EFCAB5: variants seen among roughly 807,000 people sequenced by gnomAD.
EFCAB5 encodes the protein EF-hand calcium binding domain 5.
A neutral mutation model predicts 167.9 loss-of-function variants in EFCAB5; 131 were observed. That is an observed-to-expected ratio of 0.78 (90% CI 0.68 to 0.90). EFCAB5 has a LOEUF of 0.90. Ranked by LOEUF, EFCAB5 falls within the 40% of genes least tolerant of loss-of-function variation. The probability of loss-of-function intolerance (pLI) is 0.00; values close to 1 mark genes in which losing one functional copy is unlikely to be tolerated. For missense variants in EFCAB5, 1,663 were observed against 1,745.2 expected (o/e 0.95, Z 0.84); for synonymous variants, 574 against 602.8 (o/e 0.95, Z 0.70).
chr17:29,944,058 A>G (rs888731979), intron 3 of EFCAB5, among the ~76,000 whole-genome samples: 3 of 152,174 alleles, frequency 2.0e-5, no homozygotes, highest in African/African-American at 4.8e-5. Context: ...TTTTAAAGAT[A>G]TAATTTCAGG....
At chr17:29,972,709 G>T in intron 4 of EFCAB5, 1 of 210,434 alleles carries the variant, frequency 4.8e-6, no homozygotes, top group African/African-American at 2.3e-5. Context: ...CAAGCTGGTA[G>T]GGATGAAGAT....
chr17:30,046,005 A>G lies in EFCAB5; in HGVS notation c.1201-5113A>G, dbSNP rs1438466482. On this transcript the variant is annotated intron_variant, in intron 8 of 22. Coordinates refer to ENST00000394835, the MANE Select transcript of EFCAB5 (RefSeq NM_198529.4). ...TACAGTGAGCTATGATCATGCCACTACATTCTAGCCTGGGCAACAGTGTGA... is the reference window on the plus strand; with the variant it reads ...TACAGTGAGCTATGATCATGCCACTGCATTCTAGCCTGGGCAACAGTGTGA... 3.9e-5 allele frequency among the ~76,000 whole-genome samples: 6 copies of G among 152,056 alleles called. No homozygotes were observed. The East Asian group carries it at 1.2e-3, about 29-fold the overall frequency.
chr17:30,055,710 C>T (rs115162382), intron 10 of EFCAB5, among the ~76,000 whole-genome samples, 178 bp from the exon 11 acceptor site: 186 of 152,266 alleles, frequency 1.2e-3, no homozygotes, highest in African/African-American at 4.3e-3. Context: ...GAGCTGCTTT[C>T]AACAATTCAA....
intron 14 of EFCAB5, among the ~76,000 whole-genome samples, chr17:30,068,199 G>T (rs1344574153): frequency 6.6e-6 from 1 of 152,076 alleles, no homozygotes; most frequent in South Asian, 2.1e-4. Context: ...CTACTCGGGA[G>T]GCTGAGGCAG....
intron 6 of EFCAB5, among the ~76,000 whole-genome samples, chr17:29,997,579 G>A (rs991946824): frequency 1.3e-5 from 2 of 151,982 alleles, no homozygotes; most frequent in Non-Finnish European, 2.9e-5. Context: ...TAAAGTTCCA[G>A]AATTAAACAA....
At chr17:29,992,643 G>A (rs1303127822) in intron 4 of EFCAB5, among the ~76,000 whole-genome samples, 1 of 152,302 alleles carries the variant, frequency 6.6e-6, no homozygotes, top group East Asian at 1.9e-4. Flanking sequence ...ACTGTGCCTG[G>A]CCCCTCCATT....
intron 8 of EFCAB5, among the ~76,000 whole-genome samples, chr17:30,040,484 C>G (rs938673067): frequency 7.9e-5 from 12 of 152,128 alleles, no homozygotes; most frequent in Admixed American, 7.2e-4. Flanking sequence ...AGATGGCTAC[C>G]CTTTTTACCC....
At chr17:29,955,497 T>C (rs1414972771) in intron 3 of EFCAB5, among the ~76,000 whole-genome samples, 2 of 152,182 alleles carry the variant, frequency 1.3e-5, no homozygotes, top group Non-Finnish European at 2.9e-5. Context: ...ACCATGATTG[T>C]GAGGCCTCCC....
At chr17:29,987,382 C>T (rs1434212879) in intron 4 of EFCAB5, among the ~76,000 whole-genome samples, 1 of 152,180 alleles carries the variant, frequency 6.6e-6, no homozygotes, top group Non-Finnish European at 1.5e-5. Flanking sequence ...CCCAAATTGG[C>T]TGTTGATTCA....
At chr17:29,939,584 T>A (rs371601806), upstream of EFCAB5, among the ~76,000 whole-genome samples, 20 of 152,350 alleles carry the variant, frequency 1.3e-4, no homozygotes, top group East Asian at 1.9e-3. Flanking sequence ...CTTAGTTATA[T>A]CTTTTGGGTA....
intron 7 of EFCAB5, among the ~76,000 whole-genome samples, chr17:30,004,601 C>T (rs1163579483): frequency 2.0e-5 from 3 of 150,344 alleles, no homozygotes; most frequent in Non-Finnish European, 4.4e-5. Flanking sequence ...TAACCCTCAC[C>T]AGATACTAAC....
At chr17:30,051,465 G>GC (rs1371545210) in intron 9 of EFCAB5, among the ~76,000 whole-genome samples, 33 of 152,158 alleles carry the variant, frequency 2.2e-4, no homozygotes, top group African/African-American at 7.5e-4. Flanking sequence ...TCAGAACTCA[G>GC]CTAGAACTCA....
At chr17:30,027,795 A>G (rs1429339589) in intron 7 of EFCAB5, among the ~76,000 whole-genome samples, 1 of 152,060 alleles carries the variant, frequency 6.6e-6, no homozygotes, top group Non-Finnish European at 1.5e-5. Context: ...CTTACTGCCC[A>G]CCTGATTATT....
chr17:30,090,558 G>A lies in EFCAB5; in HGVS notation c.3821G>A (p.Arg1274Lys). The A allele has an allele frequency of 1.9e-6, 3 of 1,613,948 alleles. No homozygotes were observed. The highest frequency in any genetic ancestry group is 1.1e-5 in the South Asian group (1 of 91,080). ...CTCGATTTTAACATCGGCCAAAATA[G>A]GATGTTGTTGTGTCAAGAATATAAA... is the stretch of plus-strand genomic sequence containing the variant. Reference protein sequence around the residue: ...GVLDFNIGQNRMLLCQEYKDL... With the variant: ...GVLDFNIGQNKMLLCQEYKDL... The change falls in exon 20 of 23, where the codon AGG (arginine) becomes AAG (lysine). Residue 1274 changes from arginine (R) to lysine (K), a missense_variant. Coordinates refer to ENST00000394835, the MANE Select transcript of EFCAB5 (RefSeq NM_198529.4).
intron 9 of EFCAB5, 57 bp downstream of exon 9, chr17:30,051,274 G>A: frequency 2.8e-6 from 4 of 1,410,534 alleles, no homozygotes; most frequent in Non-Finnish European, 4.0e-6. Context: ...GCACTGATAT[G>A]TACTGATATG....
intron 1 of EFCAB5, among the ~76,000 whole-genome samples, chr17:29,934,738 C>T (rs980910808): frequency 2.0e-5 from 3 of 152,122 alleles, no homozygotes; most frequent in African/African-American, 7.2e-5. Flanking sequence ...TTGGCAAGAA[C>T]TTCATTGTGC....
chr17:29,949,211 T>C (rs1419218733), intron 3 of EFCAB5, among the ~76,000 whole-genome samples: 1 of 152,202 alleles, frequency 6.6e-6, no homozygotes, highest in African/African-American at 2.4e-5. Context: ...TGCCCAGCAG[T>C]GGACCATACA....
At chr17:30,087,640 C>T (rs1443944687) in intron 19 of EFCAB5, among the ~76,000 whole-genome samples, 2 of 152,174 alleles carry the variant, frequency 1.3e-5, no homozygotes, top group African/African-American at 2.4e-5. Flanking sequence ...TTTATGGCTG[C>T]ATAGTATTCC....
intron 7 of EFCAB5, among the ~76,000 whole-genome samples, chr17:30,017,855 A>T (rs772517229): frequency 2.0e-5 from 3 of 152,136 alleles, no homozygotes; most frequent in Non-Finnish European, 4.4e-5. Context: ...TTCTGTAATT[A>T]CAATTGCCAT....
Sources: gnomAD v4.1 joint callset for allele counts (sites outside exome capture counted in the v4.1 genomes callset) on GRCh38, gnomAD v4.1.1 for gene constraint, MANE v1.5 for transcripts, NCBI Gene and HGNC (gene_info 2026-07-23, HGNC 2026-07-21) for gene names.